The following RAD23B variants were observed in gnomAD, a reference collection of about 807,000 sequenced individuals.
The protein encoded by RAD23B is lysine-specific demethylase RAD23B.
In RAD23B, 5 loss-of-function variants were observed where a neutral mutation model predicts 49.1. The observed-to-expected ratio is 0.10, with a 90% CI of 0.05 to 0.21. RAD23B has a LOEUF of 0.21. Ranked by LOEUF, RAD23B falls within the 10% of genes least tolerant of loss-of-function variation. RAD23B has a pLI of 1.00. For missense variants in RAD23B, 356 were observed against 486.7 expected (o/e 0.73, Z 2.53); for synonymous variants, 184 against 165.4 (o/e 1.11, Z -0.86).
intron 1 of RAD23B, among the ~76,000 whole-genome samples, chr9:107,286,508 A>G (rs1455032488): frequency 6.6e-6 from 1 of 152,260 alleles, no homozygotes; most frequent in Non-Finnish European, 1.5e-5. Flanking sequence ...GTGATACATT[A>G]CATGACCACT....
In RAD23B at chr9:107,331,816, C is replaced by G; in HGVS notation, c.*2160C>G. 4.1e-6 allele frequency: 3 copies of G among 738,328 alleles called. No individual in the cohort carries two copies. The South Asian group carries it at 4.5e-5, about 11-fold the overall frequency. The allele number at this position is 738,328 out of a possible 1,614,324, so 45.7% of individuals were successfully genotyped here. ...AAGACAGCTCAGGCCAAGTTTTGAT[C>G]GTTCCATACAGTACCTTGTTTATCT... On this transcript the variant is annotated 3_prime_UTR_variant, in exon 10 of 10. Transcript: ENST00000358015.
chr9:107,287,512 G>A (rs530551614), intron 1 of RAD23B, among the ~76,000 whole-genome samples: 1 of 152,286 alleles, frequency 6.6e-6, no homozygotes, highest in Non-Finnish European at 1.5e-5. Context: ...TAGCATATTA[G>A]TGTGCTGTGA....
chr9:107,331,831 C>G lies in RAD23B; in HGVS notation c.*2175C>G, dbSNP rs1392955735. Reference sequence around the variant, plus strand: ...AAGTTTTGATCGTTCCATACAGTACCTTGTTTATCTGCTTCTTAAAGAATC... The same window carrying G: ...AAGTTTTGATCGTTCCATACAGTACGTTGTTTATCTGCTTCTTAAAGAATC... On this transcript the variant is annotated 3_prime_UTR_variant, in exon 10 of 10. Transcript: ENST00000358015. The G allele has an allele frequency of 1.6e-6, 1 of 642,254 alleles. No individual in the cohort carries two copies. The highest frequency in any genetic ancestry group is 2.6e-5 in the Admixed American group (1 of 38,816). The allele number at this position is 642,254 out of a possible 1,614,324, so 39.8% of individuals were successfully genotyped here.
At chr9:107,303,897 A>G (rs1826708823) in intron 3 of RAD23B, among the ~76,000 whole-genome samples, 3 of 152,206 alleles carry the variant, frequency 2.0e-5, no homozygotes, top group Admixed American at 6.5e-5. Context: ...AAAAGTCTCA[A>G]TAGGTGCGTG....
intron 3 of RAD23B, among the ~76,000 whole-genome samples, chr9:107,305,852 G>A (rs1202305634): frequency 3.3e-5 from 5 of 151,780 alleles, no homozygotes; most frequent in Admixed American, 3.3e-4. Flanking sequence ...GTTTATGCCT[G>A]TAATCCTAGC....
At chr9:107,302,242 G>C (rs1826670108) in intron 3 of RAD23B, 128 bp downstream of exon 3, 2 of 1,259,206 alleles carry the variant, frequency 1.6e-6, no homozygotes, top group East Asian at 2.8e-5. Flanking sequence ...ACTATGAAAG[G>C]TTTTTAAGAA....
In RAD23B at chr9:107,324,872, A is replaced by T; in HGVS notation, c.984A>T (p.Leu328Phe). ...ACCAGGAGCATTTTATTCAGATGTTAAATGAACCAGTTCAAGAAGCTGGTG... is the reference window on the plus strand; with the variant it reads ...ACCAGGAGCATTTTATTCAGATGTTTAATGAACCAGTTCAAGAAGCTGGTG... ...SQHQEHFIQM[L>F]NEPVQEAGGQ... The change falls in exon 9 of 10, where the codon TTA becomes TTT. Residue 328 changes from leucine (L) to phenylalanine (F), a missense_variant. By Grantham distance (22) the Leu-to-Phe change is conservative. Coordinates refer to ENST00000358015, the MANE Select transcript of RAD23B (RefSeq NM_002874.5). 1 of 1,612,924 alleles carries T rather than the reference A, an allele frequency of 6.2e-7. No homozygotes were observed. The highest frequency in any genetic ancestry group is 8.5e-7 in the Non-Finnish European group (1 of 1,179,796).
At chr9:107,304,919 C>T (rs150090624) in intron 3 of RAD23B, among the ~76,000 whole-genome samples, 196 of 152,210 alleles carry the variant, frequency 1.3e-3, no homozygotes, top group African/African-American at 4.2e-3. Context: ...TTACTGATAA[C>T]GTAAACAGTG....
intron 1 of RAD23B, 128 bp downstream of exon 1, chr9:107,283,823 G>C (rs1426216718): frequency 2.1e-6 from 2 of 972,140 alleles, no homozygotes; most frequent in Non-Finnish European, 1.3e-6. Flanking sequence ...CCTGGGTCCT[G>C]GTGCCGGCCC....
chr9:107,283,921 C>T, intron 1 of RAD23B: 1 of 1,021,768 alleles, frequency 9.8e-7, no homozygotes, highest in Non-Finnish European at 1.2e-6. Flanking sequence ...ACGCCGAAGG[C>T]CTGGTGGCAG....
At chr9:107,292,676 C>CAA (rs3056493) in intron 1 of RAD23B, among the ~76,000 whole-genome samples, 6 of 82,754 alleles carry the variant, frequency 7.3e-5, no homozygotes, top group African/African-American at 9.5e-5. Flanking sequence ...GAGACTCTGT[C>CAA]AAAAAAAAAA....
At chr9:107,308,736 T>TA (rs1238821629) in intron 4 of RAD23B, among the ~76,000 whole-genome samples, 1 of 152,172 alleles carries the variant, frequency 6.6e-6, no homozygotes, top group African/African-American at 2.4e-5. Context: ...ACCTCAGAAA[T>TA]ACAACACAGG....
At chr9:107,301,925 C>A in intron 2 of RAD23B, 110 bp from the exon 3 acceptor site, 1 of 1,383,810 alleles carries the variant, frequency 7.2e-7, no homozygotes, top group Non-Finnish European at 9.7e-7. Flanking sequence ...GTTGGTGATT[C>A]ATATTTTAAT....
In RAD23B at chr9:107,330,113, G is replaced by T. The variant is rs578037025; in HGVS notation, c.*457G>T. On this transcript the variant is annotated 3_prime_UTR_variant, in exon 10 of 10. Transcript: ENST00000358015. The surrounding 1 kb of genome is among the most constrained non-coding windows in gnomAD (Gnocchi z 4.4). ...TTGTGAAATTTAAAAAATTTTTGTA[G>T]CGACTGTAAACAGAAATGCCAAATT... 2 of 152,700 alleles carry T rather than the reference G, an allele frequency of 1.3e-5. No individual in the cohort carries two copies. The highest frequency in any genetic ancestry group is 4.8e-5 in the African/African-American group (2 of 41,544). 9.5% of individuals were successfully genotyped at this position (152,700 alleles called of 1,614,324 possible).
chr9:107,286,002 T>G (rs987170685), intron 1 of RAD23B, among the ~76,000 whole-genome samples: 2 of 152,210 alleles, frequency 1.3e-5, no homozygotes, highest in Admixed American at 1.3e-4. Flanking sequence ...AAGTGTCCTG[T>G]TTCTAAGTTG....
intron 8 of RAD23B, 113 bp downstream of exon 8, chr9:107,324,130 G>A: frequency 8.3e-7 from 1 of 1,200,070 alleles, no homozygotes; most frequent in Non-Finnish European, 1.2e-6. Context: ...GAATGTGAAT[G>A]TTTTCTTCCA....
intron 2 of RAD23B, among the ~76,000 whole-genome samples, chr9:107,300,604 G>GA (rs1165356278): frequency 1.3e-5 from 2 of 150,690 alleles, no homozygotes; most frequent in Non-Finnish European, 3.0e-5. Flanking sequence ...GAAGAGTACA[G>GA]AAAAAACACA....
chr9:107,326,480 CA>C (rs1223341449), intron 9 of RAD23B, among the ~76,000 whole-genome samples: 2,476 of 56,536 alleles, frequency 0.044, 45 homozygotes, highest in African/African-American at 0.098. Context: ...GACTCTGTCT[CA>C]AAAAAAAAAA....
rs770156480 is a variant in RAD23B, at chr9:107,306,549, A to G, written c.399A>G (p.Ala133=). 4 of 1,614,108 alleles carry G rather than the reference A, an allele frequency of 2.5e-6. No individual in the cohort carries two copies. In the East Asian group the frequency reaches 8.9e-5, roughly 36 times the overall value. ...PASITPASAT[A]SSEPAPASAA... ...CCATCACTCCAGCATCAGCGACAGC[A>G]TCTTCTGAACCTGCACCTGCTAGTG... Residue 133 remains alanine, a synonymous_variant, in exon 4 of 10, where the codon GCA becomes GCG. Transcript: ENST00000358015.
Sources: allele counts gnomAD v4.1 joint callset (sites outside exome capture counted in the v4.1 genomes callset), GRCh38; gene constraint gnomAD v4.1.1; non-coding constraint Gnocchi (gnomAD v3.1); transcripts MANE v1.5; gene names NCBI Gene and HGNC (gene_info 2026-07-23, HGNC 2026-07-21).